HIVEP2: variants seen among roughly 807,000 people sequenced by gnomAD.
HIVEP2 encodes HIVEP zinc finger 2.
Under a neutral mutation model 180.7 loss-of-function variants are expected in HIVEP2, and 14 were observed. The ratio of observed to expected loss-of-function variants is 0.08; its 90% CI spans 0.05 to 0.12. The LOEUF is 0.12. HIVEP2 is among the 10% of genes least tolerant of loss of function. HIVEP2 has a pLI of 1.00. For missense variants in HIVEP2, 2,579 were observed against 3,008.5 expected (o/e 0.86, Z 3.34); for synonymous variants, 1,184 against 1,136.4 (o/e 1.04, Z -0.84).
At chr6:142,790,948 C>T (rs1776123013) in intron 2 of HIVEP2, among the ~76,000 whole-genome samples, 1 of 151,998 alleles carries the variant, frequency 6.6e-6, no homozygotes. Context: ...CGTAGGTCTA[C>T]ACACAATAAA....
In HIVEP2 at chr6:142,769,829, T is replaced by C. The variant is rs1175855081; in HGVS notation, c.4910A>G (p.Gln1637Arg). The change falls in exon 5 of 10, where the codon CAG (glutamine) becomes CGG (arginine). Residue 1637 changes from glutamine to arginine, a missense_variant. By Grantham distance (43) the Gln-to-Arg change is conservative (BLOSUM62 1). Around this residue, in one of 11 missense-constraint regions of HIVEP2, gnomAD observed 349 missense variants for 367.2 expected, o/e 0.95. Transcript: ENST00000367603. ...TDMADFQQILQFPSLRTTTTV... is the reference protein window; with the variant it reads ...TDMADFQQILRFPSLRTTTTV... ...AGTTGTTGTCCGCAGACTGGGGAAC[T>C]GAAGAATCTGCTGGAAATCTGCCAT... is the stretch of plus-strand genomic sequence containing the variant. 4 of 1,614,180 alleles carry C rather than the reference T, an allele frequency of 2.5e-6. No homozygotes were observed. Among genetic ancestry groups the C allele is most frequent in the Non-Finnish European group, 8.5e-7 (1 of 1,180,032 alleles).
At position 142,760,475 on chromosome 6, in the gene HIVEP2, G is replaced by A; in HGVS notation, c.5813C>T (p.Pro1938Leu). The change falls in exon 9 of 10, where the codon CCT becomes CTT. Residue 1938 changes from proline (P) to leucine (L), a missense_variant. This residue lies in a region of HIVEP2 where 660 missense variants were observed against 731.7 expected (regional missense o/e 0.90). Transcript: ENST00000367603. ...CAAGGAGGAGAATCTAGGAGGCTGA[G>A]GACTGGTGCTTCTTGATCTTGTTTT... Reference protein sequence around the residue: ...TPKTRSRSTSPQPPRFSSLPV... With the variant: ...TPKTRSRSTSLQPPRFSSLPV... The A allele has an allele frequency of 1.9e-6, 3 of 1,614,146 alleles. No homozygotes were observed. The highest frequency in any genetic ancestry group is 2.5e-6 in the Non-Finnish European group (3 of 1,180,030).
chr6:142,919,168 A>C (rs957311590), intron 1 of HIVEP2, among the ~76,000 whole-genome samples: 1 of 152,214 alleles, frequency 6.6e-6, no homozygotes, highest in African/African-American at 2.4e-5. Flanking sequence ...ACACAAGCAG[A>C]AAGAAGCCTC....
At chr6:142,861,909 T>A (rs1775987261) in intron 1 of HIVEP2, among the ~76,000 whole-genome samples, 1 of 152,178 alleles carries the variant, frequency 6.6e-6, no homozygotes, top group South Asian at 2.1e-4. Context: ...AGATGGCTAT[T>A]CTGGACAGCT....
intron 3 of HIVEP2, among the ~76,000 whole-genome samples, chr6:142,777,676 A>C (rs1388787450): frequency 6.9e-6 from 1 of 145,836 alleles, no homozygotes; most frequent in African/African-American, 2.5e-5. Flanking sequence ...AAAAAAAAAA[A>C]AAAAAAAAAA....
Position 142,903,855 on chromosome 6 carries a change from GC to G in HIVEP2, c.-641+41243del, listed in dbSNP as rs1168475031. Among the ~76,000 whole-genome samples the G allele has an allele frequency of 4.0e-5, 6 of 150,846 alleles. No homozygotes were observed. The East Asian group carries it at 1.2e-3, about 29-fold the overall frequency. ...TTGCTAATGATTGCACCAAAACAAA[GC>G]AAATGATTGCACCAAAGCAAAAAAA... On this transcript the variant is annotated intron_variant, in intron 1 of 9. Transcript: ENST00000367603.
chr6:142,829,771 T>C (rs1273855146), intron 2 of HIVEP2, among the ~76,000 whole-genome samples: 2 of 152,246 alleles, frequency 1.3e-5, no homozygotes, highest in African/African-American at 4.8e-5. Flanking sequence ...CAACTGAGTG[T>C]TGGCATCTGT....
intron 1 of HIVEP2, among the ~76,000 whole-genome samples, chr6:142,850,090 CGAAACTGT>C (rs1212530161): frequency 2.6e-5 from 4 of 152,006 alleles, no homozygotes; most frequent in African/African-American, 9.7e-5. Flanking sequence ...AGCAGGTGGT[CGAAACTGT>C]GAAGCAGTTG....
chr6:142,815,057 G>T (rs1320745789), intron 2 of HIVEP2, among the ~76,000 whole-genome samples: 1 of 152,114 alleles, frequency 6.6e-6, no homozygotes, highest in East Asian at 1.9e-4. Flanking sequence ...ACAAGAGAGG[G>T]ACAAAGGGGG....
intron 1 of HIVEP2, among the ~76,000 whole-genome samples, chr6:142,917,900 C>T (rs943206368): frequency 1.1e-4 from 16 of 152,118 alleles, no homozygotes; most frequent in African/African-American, 3.9e-4. Context: ...TTCAGCCTCT[C>T]GAGTAGCTGG....
In HIVEP2 at chr6:142,770,247, G is replaced by T. The variant is rs899332092; in HGVS notation, c.4492C>A (p.Gln1498Lys). Residue 1498 changes from glutamine (Q) to lysine (K), a missense_variant, in exon 5 of 10, where the codon CAA becomes AAA. Transcript: ENST00000367603. The surrounding 1 kb of genome is among the most constrained non-coding windows in gnomAD (Gnocchi z 4.7). ...TCTTTTGGCTCAGAAGCACATCCTT[G>T]TCGAACCAGCTGGGGTTTCTGGGGG... Reference protein sequence around the residue: ...SRPQKPQLVRQGCASEPKDGL... With the variant: ...SRPQKPQLVRKGCASEPKDGL... 2 of 1,614,222 alleles carry T rather than the reference G, an allele frequency of 1.2e-6. No homozygotes were observed. Among genetic ancestry groups the T allele is most frequent in the Non-Finnish European group, 1.7e-6 (2 of 1,180,048 alleles).
intron 1 of HIVEP2, among the ~76,000 whole-genome samples, chr6:142,867,840 A>G (rs1776179257): frequency 6.6e-6 from 1 of 152,212 alleles, no homozygotes; most frequent in African/African-American, 2.4e-5. Context: ...GGCAATAACA[A>G]TTCCAATAGG....
At chr6:142,847,962 G>A (rs1362408756) in intron 1 of HIVEP2, among the ~76,000 whole-genome samples, 1 of 152,168 alleles carries the variant, frequency 6.6e-6, no homozygotes, top group Non-Finnish European at 1.5e-5. Flanking sequence ...TTCTGCAATG[G>A]TTCAGCATCA....
chr6:142,828,677 G>T (rs1013058276), intron 2 of HIVEP2, among the ~76,000 whole-genome samples: 1 of 152,016 alleles, frequency 6.6e-6, no homozygotes, highest in Non-Finnish European at 1.5e-5. Context: ...TGATCCACCC[G>T]CCTCGGCCTC....
intron 2 of HIVEP2, among the ~76,000 whole-genome samples, chr6:142,820,554 A>C (rs1025115056): frequency 6.6e-6 from 1 of 152,224 alleles, no homozygotes; most frequent in African/African-American, 2.4e-5. Flanking sequence ...TAGCTGTTTA[A>C]ACAGACGTTC....
rs542600613 is a variant in HIVEP2, at chr6:142,837,376, A to G, written c.-640-329T>C. The stretch of plus-strand genomic sequence containing the variant: ...AAAATTAGAGATGGGGGAAAATGCA[A>G]TTTATTGCTTTGGAATTATACTCAT... On this transcript the variant is annotated intron_variant, in intron 1 of 9. Coordinates refer to ENST00000367603, the MANE Select transcript of HIVEP2 (RefSeq NM_006734.4). 1.8e-4 allele frequency among the ~76,000 whole-genome samples: 27 copies of G among 152,222 alleles called. No individual in the cohort carries two copies. The South Asian group carries it at 5.0e-3, about 28-fold the overall frequency.
intron 3 of HIVEP2, among the ~76,000 whole-genome samples, chr6:142,782,106 T>C (rs1430610861): frequency 6.6e-6 from 1 of 152,186 alleles, no homozygotes; most frequent in Non-Finnish European, 1.5e-5. Context: ...AATAAAACAT[T>C]TTTAAAAATG....
At chr6:142,862,905 A>ATATAT (rs1347304380) in intron 1 of HIVEP2, among the ~76,000 whole-genome samples, 1 of 30,476 alleles carries the variant, frequency 3.3e-5, no homozygotes, top group South Asian at 9.5e-4. Context: ...AATAGATTAT[A>ATATAT]TGTATTATAT....
chr6:142,856,216 G>T (rs549735686), intron 1 of HIVEP2, among the ~76,000 whole-genome samples: 1 of 145,408 alleles, frequency 6.9e-6, no homozygotes, highest in Non-Finnish European at 1.5e-5. Context: ...AAAAAAAAAA[G>T]AAAAGGAGAA....
Sources: allele counts gnomAD v4.1 joint callset (sites outside exome capture counted in the v4.1 genomes callset), GRCh38; gene constraint gnomAD v4.1.1; regional missense constraint gnomAD v4.1.1; non-coding constraint Gnocchi (gnomAD v3.1); transcripts MANE v1.5; gene names NCBI Gene and HGNC (gene_info 2026-07-23, HGNC 2026-07-21).